Variants in COG7 observed in about 807,000 individuals in gnomAD.
COG7 encodes conserved oligomeric Golgi complex subunit 7.
A neutral mutation model predicts 91.5 loss-of-function variants in COG7; 49 were observed. That is an observed-to-expected ratio of 0.54 (90% CI 0.43 to 0.68). COG7 has a LOEUF of 0.68. Ranked by LOEUF, COG7 falls within the 30% of genes least tolerant of loss-of-function variation. The pLI, the probability that COG7 is intolerant of heterozygous loss-of-function variation, is 0.00. For synonymous variants in COG7, 365 were observed against 388.7 expected (o/e 0.94, Z 0.72); for missense variants, 895 against 961.3 (o/e 0.93, Z 0.91).
intron 13 of COG7, among the ~76,000 whole-genome samples, chr16:23,399,062 G>A (rs1013356460): frequency 6.6e-6 from 1 of 152,158 alleles, no homozygotes; most frequent in Non-Finnish European, 1.5e-5. Context: ...TGACTCCGGC[G>A]GTCATGTAGG....
intron 14 of COG7, among the ~76,000 whole-genome samples, 177 bp downstream of exon 14, chr16:23,397,869 T>C (rs544391733): frequency 2.0e-5 from 3 of 152,294 alleles, no homozygotes; most frequent in Admixed American, 2.0e-4. Flanking sequence ...GGAATCGCCA[T>C]GTGGCTCTGC....
intron 10 of COG7, among the ~76,000 whole-genome samples, chr16:23,410,699 A>T (rs1178763514): frequency 6.6e-6 from 1 of 151,952 alleles, no homozygotes; most frequent in Non-Finnish European, 1.5e-5. Flanking sequence ...TCTAAAATTT[A>T]TTATTTATTT....
At chr16:23,417,508 T>A (rs1223706252) in intron 8 of COG7, among the ~76,000 whole-genome samples, 1 of 152,216 alleles carries the variant, frequency 6.6e-6, no homozygotes, top group Non-Finnish European at 1.5e-5. Flanking sequence ...GGCTCAAGCC[T>A]GTAATCCCAG....
At chr16:23,394,046 ACT>A (rs1340018628) in intron 14 of COG7, among the ~76,000 whole-genome samples, 1 of 141,124 alleles carries the variant, frequency 7.1e-6, no homozygotes, top group Non-Finnish European at 1.5e-5. Context: ...AAAAAAAGAG[ACT>A]CTGTCTCAGA....
chr16:23,447,910 A>C (rs1412597532), intron 1 of COG7, among the ~76,000 whole-genome samples: 1 of 152,014 alleles, frequency 6.6e-6, no homozygotes, highest in Non-Finnish European at 1.5e-5. Flanking sequence ...AAAATAAATA[A>C]ATAAATAAAT....
At chr16:23,397,269 C>G (rs1963300683) in intron 14 of COG7, among the ~76,000 whole-genome samples, 1 of 152,180 alleles carries the variant, frequency 6.6e-6, no homozygotes, top group African/African-American at 2.4e-5. Context: ...ACAACTTACA[C>G]ATAGGGGTTG....
intron 14 of COG7, among the ~76,000 whole-genome samples, chr16:23,395,121 A>G (rs1347088521): frequency 6.6e-6 from 1 of 152,186 alleles, no homozygotes; most frequent in Non-Finnish European, 1.5e-5. Context: ...GCGTCCCTTT[A>G]TAAGAGGTAC....
chr16:23,449,519 A>C (rs2142098935), intron 1 of COG7, among the ~76,000 whole-genome samples: 1 of 151,688 alleles, frequency 6.6e-6, no homozygotes, highest in South Asian at 2.1e-4. Flanking sequence ...CGAGGCAGGC[A>C]GATCACCTGA....
intron 7 of COG7, among the ~76,000 whole-genome samples, chr16:23,422,852 G>A (rs1963780756): frequency 6.6e-6 from 1 of 151,922 alleles, no homozygotes; most frequent in Admixed American, 6.6e-5. Context: ...AGACCAGCCT[G>A]GCCAACATGG....
At chr16:23,409,129 C>G (rs905396574) in intron 11 of COG7, among the ~76,000 whole-genome samples, 1 of 143,258 alleles carries the variant, frequency 7.0e-6, no homozygotes, top group African/African-American at 2.7e-5. Context: ...GTGGCAGGCA[C>G]CTGTAAAGCT....
chr16:23,397,904 G>T, intron 14 of COG7, 142 bp downstream of exon 14: 1 of 710,608 alleles, frequency 1.4e-6, no homozygotes, highest in Non-Finnish European at 2.6e-6. Flanking sequence ...TCCAGGATCT[G>T]GGTGCAGACT....
chr16:23,449,561 T>C (rs1222991256), intron 1 of COG7, among the ~76,000 whole-genome samples: 1 of 150,414 alleles, frequency 6.6e-6, no homozygotes, highest in Non-Finnish European at 1.5e-5. Context: ...CTGACCATCA[T>C]GTAGAACCCA....
chr16:23,443,114 T>C (rs1199263871), intron 3 of COG7, among the ~76,000 whole-genome samples: 2 of 152,038 alleles, frequency 1.3e-5, no homozygotes, highest in Non-Finnish European at 1.5e-5. Context: ...CCTAACAAAT[T>C]GGAAAAGTGT....
chr16:23,392,547 A>G, intron 15 of COG7, 24 bp from the exon 16 acceptor site: 2 of 1,614,174 alleles, frequency 1.2e-6, no homozygotes, highest in East Asian at 2.2e-5. Context: ...GAGGTCACCA[A>G]GGAAAACACA....
At chr16:23,449,129 C>T (rs1027825188) in intron 1 of COG7, among the ~76,000 whole-genome samples, 1 of 151,948 alleles carries the variant, frequency 6.6e-6, no homozygotes, top group South Asian at 2.1e-4. Context: ...TTTGGGAGGC[C>T]GAGGCGAGTG....
intron 7 of COG7, among the ~76,000 whole-genome samples, 164 bp downstream of exon 7, chr16:23,424,585 G>A (rs1363192095): frequency 6.6e-6 from 1 of 152,208 alleles, no homozygotes; most frequent in African/African-American, 2.4e-5. Context: ...TGATGGCAAT[G>A]TTTTTTCATG....
chr16:23,399,506 T>C (rs1388405319), intron 13 of COG7, among the ~76,000 whole-genome samples: 1 of 152,156 alleles, frequency 6.6e-6, no homozygotes, highest in Non-Finnish European at 1.5e-5. Context: ...AGGGAGCTAC[T>C]TGGGGAAGCA....
chr16:23,435,264 G>T (rs1478471040), intron 4 of COG7, among the ~76,000 whole-genome samples: 1 of 152,096 alleles, frequency 6.6e-6, no homozygotes, highest in Admixed American at 6.6e-5. Flanking sequence ...CTCCTTGGGA[G>T]GCTGAGGGAG....
At chr16:23,416,376 C>G (rs1452440616) in intron 9 of COG7, 1 of 159,300 alleles carries the variant, frequency 6.3e-6, no homozygotes, top group Non-Finnish European at 1.4e-5. Flanking sequence ...TCCGGCCACA[C>G]CAGATGATGT....
Sources: allele counts gnomAD v4.1 joint callset (sites outside exome capture counted in the v4.1 genomes callset), GRCh38; gene constraint gnomAD v4.1.1; transcripts MANE v1.5; gene names NCBI Gene and HGNC (gene_info 2026-07-23, HGNC 2026-07-21).